Variants in FER1L6 observed in about 807,000 individuals in gnomAD.
FER1L6 encodes fer-1-like protein 6.
In FER1L6, 177 loss-of-function variants were observed where a neutral mutation model predicts 219.2. That is an observed-to-expected ratio of 0.81 (90% CI 0.71 to 0.91). The LOEUF (loss-of-function observed/expected upper bound fraction) is 0.91. FER1L6 is among the 40% of genes least tolerant of loss of function. The pLI is 0.00. For missense variants in FER1L6, 2,153 were observed against 2,259.9 expected, an observed-to-expected ratio of 0.95 and a Z score of 0.96; for synonymous variants, 768 against 824.3, an observed-to-expected ratio of 0.93 and a Z score of 1.17.
intron 22 of FER1L6, among the ~76,000 whole-genome samples, chr8:124,053,480 A>T (rs779483119): frequency 2.6e-5 from 4 of 152,202 alleles, no homozygotes; most frequent in African/African-American, 9.7e-5. Flanking sequence ...CTGTCTTAGC[A>T]TGTGGATCTC....
In FER1L6 at chr8:124,094,955, A is replaced by G. The variant is rs1289532419; in HGVS notation, c.4612A>G (p.Ile1538Val). 1.2e-6 allele frequency: 2 copies of G among 1,614,136 alleles called. No homozygotes were observed. Among genetic ancestry groups the G allele is most frequent in the East Asian group, 4.5e-5 (2 of 44,884 alleles). Reference protein sequence around the residue: ...ALKVLHSWEDIPEVGCRLVPE... With the variant: ...ALKVLHSWEDVPEVGCRLVPE... Reference sequence around the variant, plus strand: ...CAAGGTTTTACACTCTTGGGAGGATATCCCGGAAGTCGGGTGTAGGCTGGT... The same window carrying G: ...CAAGGTTTTACACTCTTGGGAGGATGTCCCGGAAGTCGGGTGTAGGCTGGT... The change falls in exon 35 of 41, where the codon ATC becomes GTC. Residue 1538 changes from isoleucine (I) to valine (V), a missense_variant. Transcript: ENST00000522917.
intron 1 of FER1L6, among the ~76,000 whole-genome samples, chr8:123,906,236 T>C (rs1178815931): frequency 1.3e-5 from 2 of 152,136 alleles, no homozygotes; most frequent in Non-Finnish European, 2.9e-5. Context: ...CAACCTTCAG[T>C]TGGCCAATTC....
chr8:124,092,983 C>T (rs1328394663), intron 34 of FER1L6, among the ~76,000 whole-genome samples: 3 of 151,848 alleles, frequency 2.0e-5, no homozygotes, highest in Admixed American at 2.0e-4. Context: ...GCCACCATAC[C>T]TGACTAATTT....
chr8:123,893,802 G>A (rs1299643293), intron 1 of FER1L6, among the ~76,000 whole-genome samples: 1 of 152,184 alleles, frequency 6.6e-6, no homozygotes, highest in Non-Finnish European at 1.5e-5. Context: ...ATGTGGGACT[G>A]AAGCCTGTTT....
intron 12 of FER1L6, among the ~76,000 whole-genome samples, chr8:124,002,326 G>A (rs1045404769): frequency 4.6e-5 from 7 of 152,184 alleles, no homozygotes; most frequent in Admixed American, 2.0e-4. Flanking sequence ...AGACAGAGTA[G>A]TGACACCTGG....
chr8:124,010,443 A>T (rs187400414), intron 13 of FER1L6, 151 bp from the exon 14 acceptor site: 4 of 820,096 alleles, frequency 4.9e-6, no homozygotes, highest in Non-Finnish European at 3.7e-6. Context: ...CAGGTCCCCA[A>T]TTATAGATCA....
At chr8:124,065,400 CA>C (rs60695255) in intron 26 of FER1L6, among the ~76,000 whole-genome samples, 1,108 of 55,152 alleles carry the variant, frequency 0.02, 12 homozygotes, top group African/African-American at 0.049. Context: ...GCCTCCATCT[CA>C]AAAAAAAAAA....
chr8:124,118,259 G>A (rs1001569474), intron 39 of FER1L6, among the ~76,000 whole-genome samples: 4 of 152,140 alleles, frequency 2.6e-5, no homozygotes, highest in African/African-American at 4.8e-5. Context: ...CTATGGCATA[G>A]TGCTCTAAAG....
intron 34 of FER1L6, 116 bp from the exon 35 acceptor site, chr8:124,094,780 C>A: frequency 8.3e-7 from 1 of 1,203,612 alleles, no homozygotes. Flanking sequence ...AACCACTGCA[C>A]CCAGCCCCTT....
intron 22 of FER1L6, among the ~76,000 whole-genome samples, chr8:124,056,134 A>T (rs1406535243): frequency 6.6e-6 from 1 of 152,178 alleles, no homozygotes; most frequent in Admixed American, 6.5e-5. Context: ...CATCTGCCAC[A>T]TCCCTTTTTG....
At chr8:123,946,991 A>G (rs1814522827) in intron 1 of FER1L6, among the ~76,000 whole-genome samples, 1 of 152,130 alleles carries the variant, frequency 6.6e-6, no homozygotes, top group African/African-American at 2.4e-5. Context: ...TGGTAGAGAA[A>G]TAGCCAACCA....
At chr8:123,971,455 T>C (rs1385409792) in intron 6 of FER1L6, among the ~76,000 whole-genome samples, 2 of 152,214 alleles carry the variant, frequency 1.3e-5, no homozygotes, top group Non-Finnish European at 2.9e-5. Context: ...TTCTAAGGAT[T>C]GTCTGATGAA....
chr8:123,927,486 T>C lies in FER1L6; in HGVS notation c.-7-28506T>C, dbSNP rs1813609069. Among the ~76,000 whole-genome samples, 3 of 152,350 alleles carry C rather than the reference T, an allele frequency of 2.0e-5. No homozygotes were observed. The East Asian group carries it at 5.8e-4, about 29-fold the overall frequency. On this transcript the variant is annotated intron_variant, in intron 1 of 40. Transcript: ENST00000522917. The stretch of plus-strand genomic sequence containing the variant: ...AGGATACATTGATAGAATTCACAAT[T>C]TTGTATTTAAATATCCAAGGAGCAG...
intron 16 of FER1L6, among the ~76,000 whole-genome samples, chr8:124,020,351 C>A (rs566901367): frequency 6.6e-6 from 1 of 152,114 alleles, no homozygotes; most frequent in South Asian, 2.1e-4. Flanking sequence ...TTAGGATGGA[C>A]AAAGTTTGTC....
chr8:123,921,563 C>T (rs1813363896), intron 1 of FER1L6, among the ~76,000 whole-genome samples: 1 of 147,864 alleles, frequency 6.8e-6, no homozygotes, highest in African/African-American at 2.5e-5. Context: ...TTTGTAGAGA[C>T]TGGATCTTGC....
At chr8:124,055,631 C>T (rs1269929810) in intron 22 of FER1L6, among the ~76,000 whole-genome samples, 1 of 152,068 alleles carries the variant, frequency 6.6e-6, no homozygotes, top group Non-Finnish European at 1.5e-5. Flanking sequence ...TTTTCCTCTC[C>T]TCTGCTGCTT....
chr8:123,945,145 ACCT>A (rs1188905708), intron 1 of FER1L6, among the ~76,000 whole-genome samples: 1 of 152,018 alleles, frequency 6.6e-6, no homozygotes, highest in Non-Finnish European at 1.5e-5. Flanking sequence ...ATGACTTTAG[ACCT>A]CCTTTTGTGT....
chr8:124,055,431 T>G (rs578000416), intron 22 of FER1L6, among the ~76,000 whole-genome samples: 1 of 152,304 alleles, frequency 6.6e-6, no homozygotes, highest in Admixed American at 6.5e-5. Context: ...TGGAATTCTG[T>G]GTGTAAGCCA....
chr8:123,873,635 TC>T (rs2130281447), intron 1 of FER1L6, among the ~76,000 whole-genome samples: 1 of 152,062 alleles, frequency 6.6e-6, no homozygotes, highest in East Asian at 1.9e-4. Flanking sequence ...GCAGGTGACA[TC>T]CCCCAACCCC....
Sources: allele counts gnomAD v4.1 joint callset (sites outside exome capture counted in the v4.1 genomes callset), GRCh38; gene constraint gnomAD v4.1.1; transcripts MANE v1.5; gene names NCBI Gene and HGNC (gene_info 2026-07-23, HGNC 2026-07-21).